HEATR5A: variants seen among roughly 807,000 people sequenced by gnomAD.
HEATR5A encodes the protein HEAT repeat containing 5A.
In HEATR5A, 178 loss-of-function variants were observed where a neutral mutation model predicts 218.8. The observed-to-expected ratio is 0.81, with a 90% CI of 0.72 to 0.92. The LOEUF (loss-of-function observed/expected upper bound fraction) is 0.92. Among genes scored for constraint, HEATR5A ranks in the 40% least tolerant of loss-of-function variants. The pLI is 0.00. For missense variants in HEATR5A, 2,420 were observed against 2,418.9 expected (o/e 1.00, Z -0.01); for synonymous variants, 864 against 871.6 (o/e 0.99, Z 0.15).
At chr14:31,409,143 G>A (rs957708684) in intron 1 of HEATR5A, among the ~76,000 whole-genome samples, 5 of 146,460 alleles carry the variant, frequency 3.4e-5, no homozygotes, top group African/African-American at 1.2e-4. Flanking sequence ...CGCCTCCCGG[G>A]TTCAAGTGAT....
At chr14:31,377,547 T>C (rs919088498) in intron 11 of HEATR5A, among the ~76,000 whole-genome samples, 6 of 152,038 alleles carry the variant, frequency 3.9e-5, no homozygotes, top group African/African-American at 4.8e-5. Context: ...GGAAGGCAGA[T>C]TGCTTAAGTC....
At chr14:31,404,387 G>C (rs957171610) in intron 1 of HEATR5A, among the ~76,000 whole-genome samples, 4 of 149,160 alleles carry the variant, frequency 2.7e-5, no homozygotes, top group Non-Finnish European at 5.9e-5. Flanking sequence ...AGAGGTATTA[G>C]AAAATTAGAT....
Position 31,302,398 on chromosome 14 carries a change from T to C in HEATR5A, c.5361A>G (p.Lys1787=), listed in dbSNP as rs751962674. The change falls in exon 33 of 36, where the codon AAA becomes AAG. Residue 1787 remains lysine (K), a synonymous_variant. Coordinates refer to ENST00000543095, the MANE Select transcript of HEATR5A (RefSeq NM_015473.4). ...GGGCCATGGGAGAAGATAATATTCC[T>C]TTTAGAGCCTGTAGGGAAGCTGCAA... ...STVAASLQAL[K]GILSSPMARA... is the part of the protein sequence containing the mutation. 6 of 1,600,812 alleles carry C rather than the reference T, an allele frequency of 3.7e-6. No individual in the cohort carries two copies. In the African/African-American group the frequency reaches 5.4e-5, roughly 14 times the overall value.
chr14:31,322,317 T>C (rs192719861), intron 24 of HEATR5A, among the ~76,000 whole-genome samples: 1 of 152,346 alleles, frequency 6.6e-6, no homozygotes, highest in East Asian at 1.9e-4. Flanking sequence ...CAACTTTAAC[T>C]GAGAGCACAG....
rs761348027 is a variant in HEATR5A, at chr14:31,313,093, G to A, written c.4316C>T (p.Ser1439Leu). 1.2e-6 allele frequency: 2 copies of A among 1,613,740 alleles called. No homozygotes were observed. The highest frequency in any genetic ancestry group is 2.2e-5 in the East Asian group (1 of 44,876). Residue 1439 changes from serine to leucine, a missense_variant, in exon 28 of 36, where the codon TCA becomes TTA. Physicochemically the swap from Ser to Leu is moderately radical, Grantham distance 145. Coordinates refer to ENST00000543095, the MANE Select transcript of HEATR5A (RefSeq NM_015473.4). Reference sequence around the variant, plus strand: ...ATAGACTAAGTCAAGCAGTCCATCTGATGAACATGATCCATTTCTGATACC... The same window carrying A: ...ATAGACTAAGTCAAGCAGTCCATCTAATGAACATGATCCATTTCTGATACC... Reference protein sequence around the residue: ...EDGIRNGSCSSDGLLDLVYAD... With the variant: ...EDGIRNGSCSLDGLLDLVYAD...
rs757571547 is a variant in HEATR5A, at chr14:31,308,016, G to A, written c.4695C>T (p.Ile1565=). ...GTAAGGAACATAGAAATTCCACGCT[G>A]ATTCCTGTGGAAAGCAAAAAAAGAG... ...YTDRFHLILG[I]SVEFLCSLRS... The change falls in exon 30 of 36, where the codon ATC becomes ATT. Residue 1565 remains isoleucine (I), a synonymous_variant. Transcript: ENST00000543095. 6.2e-7 allele frequency: 1 copy of A among 1,600,262 alleles called. No homozygotes were observed.
At chr14:31,297,368 A>C (rs1165211022) in intron 33 of HEATR5A, 1 of 152,264 alleles carries the variant, frequency 6.6e-6, no homozygotes, top group Non-Finnish European at 1.5e-5. Context: ...TACTTGAGAC[A>C]CTGAGGTGGG....
intron 6 of HEATR5A, among the ~76,000 whole-genome samples, chr14:31,389,723 C>T (rs1020009665): frequency 3.9e-5 from 6 of 152,164 alleles, no homozygotes. Context: ...TACAAGAGTA[C>T]AGAAATAAAC....
chr14:31,396,119 G>A (rs76833419), intron 4 of HEATR5A, among the ~76,000 whole-genome samples: 14,086 of 152,116 alleles, frequency 0.093, 768 homozygotes, highest in East Asian at 0.16. Flanking sequence ...CACTTTGGGA[G>A]GCCAAGGTGG....
In HEATR5A at chr14:31,386,402, A is replaced by G. The variant is rs771593535; in HGVS notation, c.1345+18T>C. 1.2e-6 allele frequency: 2 copies of G among 1,604,584 alleles called. No individual in the cohort carries two copies. The highest frequency in any genetic ancestry group is 1.1e-5 in the South Asian group (1 of 90,372). On this transcript the variant is annotated intron_variant, in intron 9 of 35. Coordinates refer to ENST00000543095, the MANE Select transcript of HEATR5A (RefSeq NM_015473.4). ...ATCTAGTGTACAAGGTATTCCAATG[A>G]GTCACAAACAGATATACCTGTACTT... is the stretch of plus-strand genomic sequence containing the variant.
chr14:31,307,858 C>A lies in HEATR5A; in HGVS notation c.4818+35G>T, dbSNP rs760382078. On this transcript the variant is annotated intron_variant, in intron 30 of 35. Coordinates refer to ENST00000543095, the MANE Select transcript of HEATR5A (RefSeq NM_015473.4). ...ACATGTTTCTCTTCCTTAAAGACTACAGAAGCCTTACAAAAAAAACCCCAG... is the reference window on the plus strand; with the variant it reads ...ACATGTTTCTCTTCCTTAAAGACTAAAGAAGCCTTACAAAAAAAACCCCAG... 3.1e-6 allele frequency: 5 copies of A among 1,601,136 alleles called. No homozygotes were observed. In the East Asian group the frequency reaches 1.1e-4, roughly 36 times the overall value.
At chr14:31,396,688 C>T (rs991099719) in intron 4 of HEATR5A, among the ~76,000 whole-genome samples, 8 of 152,166 alleles carry the variant, frequency 5.3e-5, no homozygotes, top group Non-Finnish European at 8.8e-5. Flanking sequence ...CAGAACTTTT[C>T]TTTTATTCCA....
Position 31,364,255 on chromosome 14 carries a change from G to A in HEATR5A, c.2005C>T (p.Pro669Ser), listed in dbSNP as rs1249730509. ...AGTCTTTGTCTATAAACCACTGACG[G>A]TGTTTTCAAAGGACTTCCATACATT... ...LKMYGSPLKTPSVVYRQRLYE... is the reference protein window; with the variant it reads ...LKMYGSPLKTSSVVYRQRLYE... Residue 669 changes from proline to serine, a missense_variant, in exon 14 of 36, where the codon CCG (proline) becomes TCG (serine). Coordinates refer to ENST00000543095, the MANE Select transcript of HEATR5A (RefSeq NM_015473.4). 6.4e-7 allele frequency: 1 copy of A among 1,553,340 alleles called. No homozygotes were observed. Among genetic ancestry groups the A allele is most frequent in the Non-Finnish European group, 8.7e-7 (1 of 1,145,598 alleles).
At chr14:31,401,149 G>C (rs1407504497) in intron 2 of HEATR5A, among the ~76,000 whole-genome samples, 2 of 152,050 alleles carry the variant, frequency 1.3e-5, no homozygotes, top group Non-Finnish European at 2.9e-5. Context: ...ATTTTTAATA[G>C]AGACAATGTG....
rs1452940571 is a variant in HEATR5A at position 31,350,473 on chromosome 14, C to T, written c.2517+139G>A. The stretch of plus-strand genomic sequence containing the variant: ...AAAAGTAAAAGGAGAATTCCAAATC[C>T]TGAAAACTTTTCATCAAGAGATTAA... On this transcript the variant is annotated intron_variant, in intron 17 of 35. Coordinates refer to ENST00000543095, the MANE Select transcript of HEATR5A (RefSeq NM_015473.4). 3 of 605,420 alleles carry T rather than the reference C, an allele frequency of 5.0e-6. No homozygotes were observed. The African/African-American group carries it at 5.6e-5, about 11-fold the overall frequency. 37.5% of individuals were successfully genotyped at this position (605,420 alleles called of 1,614,324 possible). A position where few individuals can be genotyped will look rare whatever the true frequency, so the allele number is the denominator to read the frequency against.
intron 27 of HEATR5A, among the ~76,000 whole-genome samples, chr14:31,315,524 C>G (rs913802301): frequency 2.0e-5 from 3 of 152,182 alleles, no homozygotes; most frequent in African/African-American, 7.2e-5. Context: ...TTTCCACTGG[C>G]TACTGTAAGT....
intron 32 of HEATR5A, among the ~76,000 whole-genome samples, chr14:31,304,167 CCACTG>C (rs1899479207): frequency 6.6e-6 from 1 of 152,140 alleles, no homozygotes; most frequent in African/African-American, 2.4e-5. Flanking sequence ...TATGACTGTT[CCACTG>C]CACTCCGGCC....
Position 31,334,037 on chromosome 14 carries a change from CAAAAAAAAAAA to C in HEATR5A, c.3367+3428_3367+3438del, listed in dbSNP as rs58087742. ...AGGGCGACAGAGACAGACCCTGTCT[CAAAAAAAAAAA>C]AAAAAAAAAAGAACTATGCCAAATC... On this transcript the variant is annotated intron_variant, in intron 22 of 35. Transcript: ENST00000543095. Among the ~76,000 whole-genome samples the C allele has an allele frequency of 5.0e-4, 44 of 87,920 alleles. 1 individual carries two copies. Among genetic ancestry groups the C allele is most frequent in the African/African-American group, 1.6e-3 (36 of 22,656 alleles). The allele number at this position is 87,920 out of a possible 152,430, so 57.7% of individuals were successfully genotyped here.
At chr14:31,297,915 TTA>T (rs1245133623) in intron 33 of HEATR5A, among the ~76,000 whole-genome samples, 1 of 152,212 alleles carries the variant, frequency 6.6e-6, no homozygotes, top group African/African-American at 2.4e-5. Context: ...TACAGCAAAG[TTA>T]TTTTTAACCA....
Sources: allele counts gnomAD v4.1 joint callset (sites outside exome capture counted in the v4.1 genomes callset), GRCh38; gene constraint gnomAD v4.1.1; transcripts MANE v1.5; gene names NCBI Gene and HGNC (gene_info 2026-07-23, HGNC 2026-07-21).